Variants in LAMB1 observed in about 807,000 individuals in gnomAD.
LAMB1 encodes laminin subunit beta 1.
LAMB1 carries 121 observed loss-of-function variants against 222.3 expected under a neutral mutation model. That is an observed-to-expected ratio of 0.54 (90% CI 0.47 to 0.63). The LOEUF is 0.63. Among genes scored for constraint, LAMB1 ranks in the 30% least tolerant of loss-of-function variants. The pLI is 0.00. For missense variants in LAMB1, 2,172 were observed against 2,240.8 expected, an observed-to-expected ratio of 0.97 and a Z score of 0.62; for synonymous variants, 794 against 807.2, an observed-to-expected ratio of 0.98 and a Z score of 0.28.
At chr7:108,001,917 G>A in intron 2 of LAMB1, 184 bp from the exon 3 acceptor site, 3 of 1,461,534 alleles carry the variant, frequency 2.1e-6, no homozygotes, top group South Asian at 1.4e-5. Flanking sequence ...CAGGGACTCC[G>A]AAAGGAGAAG....
chr7:107,985,901 G>A (rs1487237579), intron 7 of LAMB1, 121 bp downstream of exon 7: 8 of 718,748 alleles, frequency 1.1e-5, no homozygotes, highest in Non-Finnish European at 4.7e-6. Context: ...AGGTTGCAAT[G>A]AGCAGAGATC....
chr7:107,975,884 G>T lies in LAMB1; in HGVS notation c.1001-7C>A. The T allele has an allele frequency of 6.2e-7, 1 of 1,612,262 alleles. No individual in the cohort carries two copies. Among genetic ancestry groups the T allele is most frequent in the South Asian group, 1.1e-5 (1 of 90,824 alleles). The stretch of plus-strand genomic sequence containing the variant: ...TGTTCATTGCAGTTACATTCTGCGT[G>T]ACAAGAGCAACGTCAAGAAAAGCTT... On this transcript the variant is annotated splice_region_variant and splice_polypyrimidine_tract_variant and intron_variant, in intron 9 of 33. Coordinates refer to ENST00000222399, the MANE Select transcript of LAMB1 (RefSeq NM_002291.3).
chr7:107,937,012 T>C, intron 26 of LAMB1, 81 bp downstream of exon 26: 1 of 1,190,606 alleles, frequency 8.4e-7, no homozygotes, highest in Admixed American at 2.5e-5. Flanking sequence ...ACTTTTTTTT[T>C]TCCCCAAAAG....
At chr7:107,974,357 GTTTT>G (rs111955403) in intron 12 of LAMB1, among the ~76,000 whole-genome samples, 3 of 144,836 alleles carry the variant, frequency 2.1e-5, no homozygotes, top group Non-Finnish European at 3.0e-5. Context: ...TCCTGTGTGT[GTTTT>G]TTTTTTTAAA....
chr7:108,000,622 C>A (rs1296367874), intron 3 of LAMB1, among the ~76,000 whole-genome samples: 1 of 152,246 alleles, frequency 6.6e-6, no homozygotes, highest in Non-Finnish European at 1.5e-5. Flanking sequence ...TCGCTTACTG[C>A]AGCCTCGACC....
At chr7:107,984,546 C>T (rs1334793790) in intron 7 of LAMB1, among the ~76,000 whole-genome samples, 1 of 152,174 alleles carries the variant, frequency 6.6e-6, no homozygotes, top group African/African-American at 2.4e-5. Flanking sequence ...CCACGCCTGG[C>T]CCATGTCTCA....
chr7:107,924,913 ATTCTTTTTAG>A (rs2032524547), intron 32 of LAMB1, among the ~76,000 whole-genome samples: 1 of 152,210 alleles, frequency 6.6e-6, no homozygotes, highest in Admixed American at 6.5e-5. Flanking sequence ...AATGCAAATG[ATTCTTTTTAG>A]AAACTGTTCA....
chr7:107,983,967 T>C (rs769764479), intron 7 of LAMB1, among the ~76,000 whole-genome samples: 1 of 152,224 alleles, frequency 6.6e-6, no homozygotes, highest in Non-Finnish European at 1.5e-5. Flanking sequence ...GCCATATCAC[T>C]TTACGTAATA....
At chr7:107,951,176 A>C (rs746098377) in intron 24 of LAMB1, 50 bp downstream of exon 24, 37 of 1,370,034 alleles carry the variant, frequency 2.7e-5, no homozygotes, top group Middle Eastern at 1.8e-4. Context: ...GTAGAACCCC[A>C]GTTCCCTCCA....
intron 28 of LAMB1, 80 bp downstream of exon 28, chr7:107,932,094 G>T (rs1024257618): frequency 2.4e-6 from 3 of 1,254,880 alleles, no homozygotes; most frequent in Non-Finnish European, 2.3e-6. Context: ...ATTTAGAATT[G>T]ATTTCTCCCT....
At chr7:107,963,351 A>G (rs2033554748) in intron 14 of LAMB1, among the ~76,000 whole-genome samples, 1 of 152,182 alleles carries the variant, frequency 6.6e-6, no homozygotes, top group Admixed American at 6.5e-5. Flanking sequence ...AGCATAAAAG[A>G]AAAAAGAGAA....
At chr7:107,952,251 T>C in intron 22 of LAMB1, 28 bp from the exon 23 acceptor site, 2 of 1,536,742 alleles carry the variant, frequency 1.3e-6, no homozygotes, top group South Asian at 1.2e-5. Context: ...ATTTACTTAT[T>C]GTCACACTCC....
At position 107,960,482 on chromosome 7, in the gene LAMB1, G is replaced by T. The variant is rs143597483; in HGVS notation, c.2277C>A (p.Ile759=). ...TPMTDVCRNI[I]FSISALLHQT... ...GGTGTAACAGGGCAGAAATGCTAAA[G>T]ATGATGTTTCTGCAAACATCTGTCA... The change falls in exon 18 of 34, where the codon ATC becomes ATA. Residue 759 remains isoleucine (I), a synonymous_variant. Transcript: ENST00000222399. 1,381 of 1,614,044 alleles carry T rather than the reference G, an allele frequency of 8.6e-4. 2 individuals are homozygous for T. Among genetic ancestry groups the T allele is most frequent in the Non-Finnish European group, 1.1e-3 (1,319 of 1,179,990 alleles).
At chr7:107,960,715 C>A in intron 17 of LAMB1, 66 bp from the exon 18 acceptor site, 1 of 1,390,082 alleles carries the variant, frequency 7.2e-7, no homozygotes, top group Non-Finnish European at 1.0e-6. Context: ...TTTAAGCAAG[C>A]AAACGTGTAG....
At chr7:107,931,841 T>C (rs968567476) in intron 28 of LAMB1, 3 of 475,350 alleles carry the variant, frequency 6.3e-6, no homozygotes, top group African/African-American at 5.8e-5. Context: ...AAATGCTCAA[T>C]TGCTTAGTAT....
intron 12 of LAMB1, among the ~76,000 whole-genome samples, chr7:107,973,375 T>C (rs1247732908): frequency 6.6e-6 from 1 of 152,190 alleles, no homozygotes; most frequent in African/African-American, 2.4e-5. Context: ...ATTTTCCTCA[T>C]TATAATTACT....
At chr7:107,956,219 G>C (rs1324910052) in intron 20 of LAMB1, among the ~76,000 whole-genome samples, 1 of 151,872 alleles carries the variant, frequency 6.6e-6, no homozygotes, top group Non-Finnish European at 1.5e-5. Flanking sequence ...TTTTAGTAGA[G>C]ATGGGGTTTC....
Position 107,926,258 on chromosome 7 carries a change from G to A in LAMB1, c.4989C>T (p.Ala1663=), listed in dbSNP as rs745422743. ...RNVEELKRKA[A]QNSGEAEYIE... is the part of the protein sequence containing the mutation. ...TATATTCTGCCTCCCCGGAGTTTTG[G>A]GCAGCTTTCCGCTTAAGTTCTTCCA... The change falls in exon 32 of 34, where the codon GCC becomes GCT. Residue 1663 remains alanine (A), a synonymous_variant. Coordinates refer to ENST00000222399, the MANE Select transcript of LAMB1 (RefSeq NM_002291.3). 1.9e-6 allele frequency: 3 copies of A among 1,613,942 alleles called. No homozygotes were observed. The highest frequency in any genetic ancestry group is 2.5e-6 in the Non-Finnish European group (3 of 1,179,868).
intron 23 of LAMB1, 88 bp from the exon 24 acceptor site, chr7:107,951,410 G>C: frequency 1.7e-6 from 2 of 1,166,262 alleles, no homozygotes; most frequent in Non-Finnish European, 2.5e-6. Flanking sequence ...CTTAGAAGTA[G>C]GAATGAACTG....
Sources: gnomAD v4.1 joint callset for allele counts (sites outside exome capture counted in the v4.1 genomes callset) on GRCh38, gnomAD v4.1.1 for gene constraint, MANE v1.5 for transcripts, NCBI Gene and HGNC (gene_info 2026-07-23, HGNC 2026-07-21) for gene names.